Variants in NTM observed in about 807,000 individuals in gnomAD.
NTM encodes neurotrimin.
A neutral mutation model predicts 42.1 loss-of-function variants in NTM; 13 were observed. The observed-to-expected ratio is 0.31, with a 90% CI of 0.20 to 0.49. The LOEUF is 0.49. Ranked by LOEUF, NTM falls within the 20% of genes least tolerant of loss-of-function variation. NTM has a pLI of 0.99. For missense variants in NTM, 373 were observed against 452.8 expected, an observed-to-expected ratio of 0.82 and a Z score of 1.60; for synonymous variants, 187 against 179.2, an observed-to-expected ratio of 1.04 and a Z score of -0.35.
chr11:131,429,510 T>A (rs1022842852), intron 1 of NTM, among the ~76,000 whole-genome samples: 1 of 152,152 alleles, frequency 6.6e-6, no homozygotes, highest in Middle Eastern at 3.2e-3. Context: ...CTAATGATAA[T>A]GATGCTTGTG....
At chr11:131,577,592 T>C (rs1331787133) in intron 1 of NTM, among the ~76,000 whole-genome samples, 2 of 152,246 alleles carry the variant, frequency 1.3e-5, no homozygotes, top group Non-Finnish European at 2.9e-5. Flanking sequence ...TATTATAATA[T>C]ATAAAATAGT....
rs2095238102 is a variant in NTM at position 132,310,142 on chromosome 11, C to T, written c.692C>T (p.Thr231Ile). The T allele has an allele frequency of 1.9e-6, 3 of 1,608,274 alleles. No individual in the cohort carries two copies. Among genetic ancestry groups the T allele is most frequent in the Non-Finnish European group, 2.5e-6 (3 of 1,177,844 alleles). Residue 231 changes from threonine to isoleucine, a missense_variant, in exon 6 of 9, where the codon ACA (threonine) becomes ATA (isoleucine). Physicochemically the swap from Thr to Ile is moderately conservative, Grantham distance 89. Around this residue, in one of 3 missense-constraint regions of NTM, gnomAD observed 312 missense variants for 353.5 expected, o/e 0.88. Coordinates refer to ENST00000683400, the MANE Select transcript of NTM (RefSeq NM_001352005.2). ...YPPYISEAKG[T>I]GVPVGQKGTL... is the part of the protein sequence containing the mutation. ...CCATACATTTCAGAAGCCAAGGGTACAGGTGTCCCCGTGGGACAAAAGGGG... is the reference window on the plus strand; with the variant it reads ...CCATACATTTCAGAAGCCAAGGGTATAGGTGTCCCCGTGGGACAAAAGGGG...
rs117239700 is a variant in NTM at position 131,612,587 on chromosome 11, T to C, written c.82+241699T>C. On this transcript the variant is annotated intron_variant, in intron 1 of 8. Coordinates refer to ENST00000683400, the MANE Select transcript of NTM (RefSeq NM_001352005.2). ...AAAAGAAATGGATGCATATTAGATG[T>C]CAAACATGTGCTTATTGAGTTAAAT... 8.2e-3 allele frequency among the ~76,000 whole-genome samples: 1,257 copies of C among 152,384 alleles called. 8 individuals are homozygous for C. Among genetic ancestry groups the C allele is most frequent in the Non-Finnish European group, 0.013 (892 of 68,040 alleles).
At chr11:131,767,131 A>G (rs1278545435) in intron 1 of NTM, 1 of 982,940 alleles carries the variant, frequency 1.0e-6, no homozygotes, top group Non-Finnish European at 1.2e-6. Flanking sequence ...TGTAAGGATC[A>G]ACAGTTCAGG....
At chr11:132,325,936 G>A (rs914665328) in intron 7 of NTM, among the ~76,000 whole-genome samples, 116 of 151,246 alleles carry the variant, frequency 7.7e-4, no homozygotes, top group African/African-American at 2.1e-3. Context: ...CAAACACCGC[G>A]TGTTCTCACT....
intron 1 of NTM, among the ~76,000 whole-genome samples, chr11:131,587,105 C>G (rs542760852): frequency 6.6e-5 from 10 of 152,222 alleles, no homozygotes; most frequent in African/African-American, 2.2e-4. Context: ...TTTTATTTAC[C>G]CATTCATGCT....
In NTM at chr11:132,101,580, GTGTGTA is replaced by G. The variant is rs1489522920; in HGVS notation, c.168-44698_168-44693del. ...CTTGTGTGTGTGTGTGTGTGTGTGTGTGTGTATGTTTGAATGTATGTGAATATCTAT... is the reference window on the plus strand; with the variant it reads ...CTTGTGTGTGTGTGTGTGTGTGTGTGTGTTTGAATGTATGTGAATATCTAT... On this transcript the variant is annotated intron_variant, in intron 2 of 8. Coordinates refer to ENST00000683400, the MANE Select transcript of NTM (RefSeq NM_001352005.2). 4.7e-4 allele frequency among the ~76,000 whole-genome samples: 71 copies of G among 152,050 alleles called. No homozygotes were observed. The East Asian group carries it at 8.3e-3, about 18-fold the overall frequency.
chr11:132,183,593 G>A (rs528801072), intron 3 of NTM, among the ~76,000 whole-genome samples: 12 of 151,844 alleles, frequency 7.9e-5, no homozygotes, highest in African/African-American at 2.2e-4. Flanking sequence ...AACAGAAATC[G>A]CTACTCCCTT....
intron 2 of NTM, among the ~76,000 whole-genome samples, chr11:131,932,753 T>C (rs937595029): frequency 2.0e-5 from 3 of 152,144 alleles, no homozygotes; most frequent in Non-Finnish European, 4.4e-5. Flanking sequence ...CAGGGGACTT[T>C]CCAGATGCTG....
At chr11:131,800,669 G>A (rs528929061) in intron 1 of NTM, among the ~76,000 whole-genome samples, 3 of 152,286 alleles carry the variant, frequency 2.0e-5, no homozygotes, top group Admixed American at 1.3e-4. Flanking sequence ...TTGGATGATA[G>A]CAATTGCCTA....
intron 2 of NTM, among the ~76,000 whole-genome samples, chr11:132,115,255 G>T (rs1461015983): frequency 3.9e-4 from 59 of 152,134 alleles, no homozygotes; most frequent in Non-Finnish European, 4.4e-5. Flanking sequence ...AACAGTACTG[G>T]ATAGTATACT....
chr11:131,560,274 C>T (rs188531430), intron 1 of NTM, among the ~76,000 whole-genome samples: 2 of 152,266 alleles, frequency 1.3e-5, no homozygotes, highest in East Asian at 1.9e-4. Context: ...TGGAAGATCC[C>T]GTTCTTCCTC....
chr11:131,931,499 GTGTGTA>G (rs1352003089), intron 2 of NTM, among the ~76,000 whole-genome samples: 73 of 150,134 alleles, frequency 4.9e-4, no homozygotes, highest in Admixed American at 1.7e-3. Context: ...GTGTGTGTGT[GTGTGTA>G]TGTGTGTGTG....
At chr11:131,402,604 G>T (rs143622735) in intron 1 of NTM, among the ~76,000 whole-genome samples, 174 of 152,206 alleles carry the variant, frequency 1.1e-3, no homozygotes, top group African/African-American at 3.9e-3. Context: ...CAGCTCCCTC[G>T]TGCGTGCCCA....
intron 2 of NTM, among the ~76,000 whole-genome samples, chr11:132,007,674 A>G (rs546087116): frequency 6.6e-6 from 1 of 152,318 alleles, no homozygotes; most frequent in East Asian, 1.9e-4. Flanking sequence ...TGAAGGAATA[A>G]TCATCCACCT....
chr11:131,385,193 C>T (rs1943161777), intron 1 of NTM: 1 of 152,272 alleles, frequency 6.6e-6, no homozygotes, highest in Non-Finnish European at 1.5e-5. Context: ...CATGCCCAGA[C>T]AAAGTCAGGG....
At chr11:131,479,812 A>G (rs773850628) in intron 1 of NTM, among the ~76,000 whole-genome samples, 1 of 152,204 alleles carries the variant, frequency 6.6e-6, no homozygotes, top group Non-Finnish European at 1.5e-5. Context: ...CAGCACAGAA[A>G]GCAAGTCAGG....
chr11:131,487,064 A>C (rs1954256204), intron 1 of NTM, among the ~76,000 whole-genome samples: 1 of 152,284 alleles, frequency 6.6e-6, no homozygotes, highest in South Asian at 2.1e-4. Context: ...AGCAAAAAAA[A>C]CAGTGTTCCT....
intron 1 of NTM, among the ~76,000 whole-genome samples, chr11:131,875,420 G>A (rs2048391318): frequency 1.3e-5 from 2 of 152,168 alleles, no homozygotes; most frequent in South Asian, 4.1e-4. Context: ...CTGAATTTTT[G>A]GAATGTTGAA....
Sources: gnomAD v4.1 joint callset for allele counts (sites outside exome capture counted in the v4.1 genomes callset) on GRCh38, gnomAD v4.1.1 for gene constraint, gnomAD v4.1.1 regional missense constraint, MANE v1.5 for transcripts, NCBI Gene and HGNC (gene_info 2026-07-23, HGNC 2026-07-21) for gene names.